TARBP1: variants seen among roughly 807,000 people sequenced by gnomAD.
The protein encoded by TARBP1 is tRNA guanosine 2 -O-methyltransferase TARBP1.
Under a neutral mutation model 178.6 loss-of-function variants are expected in TARBP1, and 144 were observed. The observed-to-expected ratio is 0.81, with a 90% CI of 0.70 to 0.93. TARBP1 has a LOEUF of 0.93. Among genes scored for constraint, TARBP1 ranks in the 40% least tolerant of loss-of-function variants. The pLI, the probability that TARBP1 is intolerant of heterozygous loss-of-function variation, is 0.00. For synonymous variants in TARBP1, 787 were observed against 781.0 expected (o/e 1.01, Z -0.13); for missense variants, 2,067 against 2,011.7 (o/e 1.03, Z -0.53).
intron 20 of TARBP1, among the ~76,000 whole-genome samples, chr1:234,423,592 C>G (rs1219500093): frequency 6.6e-6 from 1 of 152,176 alleles, no homozygotes; most frequent in Admixed American, 6.5e-5. Flanking sequence ...CTGAATCCAA[C>G]AGCCGGCCTG....
At chr1:234,456,365 T>TAA (rs1192415134) in intron 9 of TARBP1, among the ~76,000 whole-genome samples, 3 of 152,202 alleles carry the variant, frequency 2.0e-5, no homozygotes, top group Non-Finnish European at 4.4e-5. Flanking sequence ...CATGCCCCGA[T>TAA]AATTTTTGTA....
At chr1:234,422,998 G>A (rs1368612325) in intron 20 of TARBP1, among the ~76,000 whole-genome samples, 1 of 152,148 alleles carries the variant, frequency 6.6e-6, no homozygotes, top group Non-Finnish European at 1.5e-5. Context: ...ACAGAGTGCT[G>A]GGCACCACCC....
chr1:234,471,666 T>C (rs1669072122), intron 2 of TARBP1, among the ~76,000 whole-genome samples: 1 of 152,246 alleles, frequency 6.6e-6, no homozygotes, highest in Non-Finnish European at 1.5e-5. Flanking sequence ...ATGTTCTTAA[T>C]ACCACATAGC....
chr1:234,409,828 A>C (rs1390392500), intron 23 of TARBP1, among the ~76,000 whole-genome samples: 2 of 152,222 alleles, frequency 1.3e-5, no homozygotes, highest in Non-Finnish European at 2.9e-5. Context: ...CTGTGGATGC[A>C]ATAATATAGA....
At chr1:234,468,048 G>T (rs890442159) in intron 3 of TARBP1, among the ~76,000 whole-genome samples, 1 of 151,976 alleles carries the variant, frequency 6.6e-6, no homozygotes, top group Admixed American at 6.6e-5. Flanking sequence ...CAAAGCACTG[G>T]GATTACAGGT....
At chr1:234,424,224 G>A (rs997406036) in intron 20 of TARBP1, among the ~76,000 whole-genome samples, 1 of 152,138 alleles carries the variant, frequency 6.6e-6, no homozygotes, top group African/African-American at 2.4e-5. Context: ...CAGGCACTCC[G>A]CTGACCTCGG....
At chr1:234,471,691 C>T (rs948142045) in intron 2 of TARBP1, among the ~76,000 whole-genome samples, 6 of 152,110 alleles carry the variant, frequency 3.9e-5, no homozygotes, top group African/African-American at 2.4e-5. Context: ...GTTGCTGACA[C>T]GTTTGCTTGA....
chr1:234,455,515 TAAG>T (rs963106148), intron 9 of TARBP1, among the ~76,000 whole-genome samples: 17 of 152,208 alleles, frequency 1.1e-4, no homozygotes, highest in African/African-American at 3.6e-4. Context: ...AAAAAAAGAC[TAAG>T]AAGGGTCTTT....
chr1:234,409,342 G>A (rs948551572), intron 23 of TARBP1, among the ~76,000 whole-genome samples: 5 of 152,156 alleles, frequency 3.3e-5, no homozygotes, highest in South Asian at 4.1e-4. Context: ...AGGTAAATTC[G>A]TTTTCAGAAT....
At chr1:234,401,154 A>T in intron 25 of TARBP1, 27 bp downstream of exon 25, 1 of 1,576,822 alleles carries the variant, frequency 6.3e-7, no homozygotes, top group Non-Finnish European at 8.7e-7. Flanking sequence ...TACAATAGAG[A>T]ATTTACAAAT....
intron 12 of TARBP1, among the ~76,000 whole-genome samples, chr1:234,438,902 G>T (rs943391471): frequency 3.9e-5 from 6 of 152,114 alleles, no homozygotes; most frequent in Non-Finnish European, 7.4e-5. Context: ...AGAGAAAAAT[G>T]ACATTGCCAA....
chr1:234,430,940 G>T (rs1664372704), intron 14 of TARBP1, among the ~76,000 whole-genome samples: 1 of 152,152 alleles, frequency 6.6e-6, no homozygotes, highest in Admixed American at 6.5e-5. Context: ...TACTTCACGG[G>T]GTTATTGTGA....
In TARBP1 at chr1:234,439,462, C is replaced by T. The variant is rs571379272; in HGVS notation, c.2135-2090G>A. On this transcript the variant is annotated intron_variant, in intron 12 of 29. Transcript: ENST00000040877. ...CAATCCTAAGGCAACCACACACACA[C>T]AAAAAAAGGCTGAATTTAAATGGAA... Among the ~76,000 whole-genome samples the T allele has an allele frequency of 4.0e-5, 6 of 151,812 alleles. No homozygotes were observed. The South Asian group carries it at 8.3e-4, about 21-fold the overall frequency.
chr1:234,433,660 A>G, intron 13 of TARBP1, 89 bp from the exon 14 acceptor site: 1 of 1,249,328 alleles, frequency 8.0e-7, no homozygotes, highest in Non-Finnish European at 1.1e-6. Context: ...AAGTTTACTT[A>G]AAGGACCACA....
At chr1:234,439,691 T>C (rs538042447) in intron 12 of TARBP1, among the ~76,000 whole-genome samples, 1 of 152,266 alleles carries the variant, frequency 6.6e-6, no homozygotes, top group South Asian at 2.1e-4. Flanking sequence ...CCAGGCATGA[T>C]GGTGGGCACC....
In TARBP1 at chr1:234,469,077, TAAAAAAA is replaced by T. The variant is rs1327979551; in HGVS notation, c.1100-1434_1100-1428del. ...GTTTTTGCCTTTTTTTTTTTTTTTTTAAAAAAAAAAAAAAGGCAAAAACCGCAACGAC... is the reference window on the plus strand; with the variant it reads ...GTTTTTGCCTTTTTTTTTTTTTTTTTAAAAAAAGGCAAAAACCGCAACGAC... On this transcript the variant is annotated intron_variant, in intron 3 of 29. Coordinates refer to ENST00000040877, the MANE Select transcript of TARBP1 (RefSeq NM_005646.4). Among the ~76,000 whole-genome samples the T allele has an allele frequency of 1.3e-4, 8 of 63,784 alleles. No individual in the cohort carries two copies. In the Admixed American group the frequency reaches 1.6e-3, roughly 12 times the overall value. 41.8% of individuals were successfully genotyped at this position (63,784 alleles called of 152,430 possible). A position where few individuals can be genotyped will look rare whatever the true frequency, so the allele number is the denominator to read the frequency against.
At chr1:234,428,052 C>T (rs1431283985) in intron 17 of TARBP1, among the ~76,000 whole-genome samples, 1 of 152,232 alleles carries the variant, frequency 6.6e-6, no homozygotes, top group Non-Finnish European at 1.5e-5. Flanking sequence ...CCTCACCCCA[C>T]ACACATTCAG....
chr1:234,419,028 C>A (rs941169884), intron 21 of TARBP1, among the ~76,000 whole-genome samples: 2 of 151,812 alleles, frequency 1.3e-5, no homozygotes, highest in African/African-American at 4.8e-5. Context: ...AAAAATTAGC[C>A]GGGTGAGGTG....
chr1:234,400,016 A>C lies in TARBP1; in HGVS notation c.4071+1165T>G, dbSNP rs186715262. ...CTAACCTGCACATTGTGCACATGTA[A>C]CCTAAAACTTAAAGTATAATAATAA... On this transcript the variant is annotated intron_variant, in intron 25 of 29. Transcript: ENST00000040877. Among the ~76,000 whole-genome samples, 38 of 150,992 alleles carry C rather than the reference A, an allele frequency of 2.5e-4. No homozygotes were observed. The Middle Eastern group carries it at 0.01, about 41-fold the overall frequency.
Sources: allele counts gnomAD v4.1 joint callset (sites outside exome capture counted in the v4.1 genomes callset), GRCh38; gene constraint gnomAD v4.1.1; transcripts MANE v1.5; gene names NCBI Gene and HGNC (gene_info 2026-07-23, HGNC 2026-07-21).